The following LEPR variants were observed in gnomAD, a reference collection of about 807,000 sequenced individuals.
LEPR encodes OB receptor.
LEPR carries 56 observed loss-of-function variants against 114.7 expected under a neutral mutation model. The observed-to-expected ratio is 0.49, with a 90% confidence interval of 0.39 to 0.61. The LOEUF is 0.61. LEPR is among the 20% of genes least tolerant of loss of function. The pLI is 0.00. For synonymous variants in LEPR, 443 were observed against 461.4 expected, an observed-to-expected ratio of 0.96 and a Z score of 0.51; for missense variants, 1,202 against 1,352.9, an observed-to-expected ratio of 0.89 and a Z score of 1.75.
intron 19 of LEPR, chr1:65,635,041 C>A (rs913404920): frequency 4.0e-5 from 34 of 858,832 alleles, no homozygotes; most frequent in Non-Finnish European, 4.6e-5. Context: ...TTCCTTTATG[C>A]TTTTAATCAC....
chr1:65,601,971 T>C lies in LEPR; in HGVS notation c.1403+11T>C. Reference sequence around the variant, plus strand: ...ATTGAGGTATCATAGGTACGTATTATTTTTGCTGTTTTGTTTTTCTGTGGG... The same window carrying C: ...ATTGAGGTATCATAGGTACGTATTACTTTTGCTGTTTTGTTTTTCTGTGGG... On this transcript the variant is annotated intron_variant, in intron 10 of 19. Coordinates refer to ENST00000349533, the MANE Select transcript of LEPR (RefSeq NM_002303.6). The C allele has an allele frequency of 6.2e-7, 1 of 1,608,420 alleles. No homozygotes were observed. Among genetic ancestry groups the C allele is most frequent in the Non-Finnish European group, 8.5e-7 (1 of 1,174,924 alleles).
Position 65,431,803 on chromosome 1 carries a change from A to G in LEPR, c.-21+6425A>G, listed in dbSNP as rs756872309. ...TAATCCTTCTTTTCTTGTCTTTCAG[A>G]TCAAATGGGGAGCCTGCGGCCTTGT... On this transcript the variant is annotated intron_variant, in intron 2 of 19. Transcript: ENST00000349533. 3.7e-6 allele frequency: 6 copies of G among 1,612,274 alleles called. No individual in the cohort carries two copies. In the South Asian group the frequency reaches 6.6e-5, roughly 18 times the overall value.
intron 2 of LEPR, among the ~76,000 whole-genome samples, chr1:65,440,995 A>C (rs1176044610): frequency 6.6e-6 from 1 of 152,250 alleles, no homozygotes; most frequent in Non-Finnish European, 1.5e-5. Flanking sequence ...AACGAGAGTG[A>C]ATCACAGAGT....
chr1:65,630,161 T>G (rs1385389165), intron 19 of LEPR: 1 of 230,878 alleles, frequency 4.3e-6, no homozygotes, highest in Non-Finnish European at 8.6e-6. Flanking sequence ...TATTGTGATT[T>G]TTACTCCTCA....
intron 2 of LEPR, among the ~76,000 whole-genome samples, chr1:65,507,229 T>C (rs970881576): frequency 6.6e-6 from 1 of 151,926 alleles, no homozygotes; most frequent in Non-Finnish European, 1.5e-5. Flanking sequence ...TTTTGTACTT[T>C]TAGTAGAGAC....
intron 2 of LEPR, among the ~76,000 whole-genome samples, chr1:65,536,653 G>C (rs567721921): frequency 2.6e-5 from 4 of 151,864 alleles, no homozygotes; most frequent in African/African-American, 9.7e-5. Context: ...ATAAATCAAA[G>C]ATTTCGGTTA....
At chr1:65,494,978 T>C (rs1648077518) in intron 2 of LEPR, among the ~76,000 whole-genome samples, 1 of 151,912 alleles carries the variant, frequency 6.6e-6, no homozygotes, top group Non-Finnish European at 1.5e-5. Context: ...ATAAGGGAAA[T>C]GCTTTAGGAT....
chr1:65,574,361 A>C (rs182481413), intron 5 of LEPR, among the ~76,000 whole-genome samples: 4 of 152,328 alleles, frequency 2.6e-5, no homozygotes, highest in East Asian at 3.9e-4. Flanking sequence ...ACAAACCTGC[A>C]CGTTGTGCAC....
At chr1:65,602,106 A>G (rs951029526) in intron 10 of LEPR, 146 bp downstream of exon 10, 2 of 749,204 alleles carry the variant, frequency 2.7e-6, no homozygotes, top group Non-Finnish European at 4.7e-6. Context: ...TTTTTGAGGG[A>G]TTATATAAAT....
intron 2 of LEPR, among the ~76,000 whole-genome samples, chr1:65,425,755 G>A (rs1444280146): frequency 2.0e-5 from 3 of 152,186 alleles, no homozygotes; most frequent in African/African-American, 7.2e-5. Flanking sequence ...CGGATAAAGT[G>A]CACCTGAGTT....
At chr1:65,501,824 A>G (rs1440997745) in intron 2 of LEPR, among the ~76,000 whole-genome samples, 2 of 152,172 alleles carry the variant, frequency 1.3e-5, no homozygotes, top group African/African-American at 4.8e-5. Flanking sequence ...TTCGAGATAC[A>G]GTGTTCTGAT....
At chr1:65,629,365 G>C in intron 19 of LEPR, 1 of 443,864 alleles carries the variant, frequency 2.3e-6, no homozygotes, top group South Asian at 1.6e-5. Context: ...GTTGTAATTT[G>C]TCTGTGGTTT....
chr1:65,543,260 T>C (rs556672251), intron 2 of LEPR, among the ~76,000 whole-genome samples: 1 of 152,186 alleles, frequency 6.6e-6, no homozygotes, highest in African/African-American at 2.4e-5. Flanking sequence ...ATAAATGTCT[T>C]CTTCTGAGTA....
Position 65,565,552 on chromosome 1 carries a change from T to G in LEPR, c.-14T>G. On this transcript the variant is annotated 5_prime_UTR_variant, in exon 3 of 20. Coordinates refer to ENST00000349533, the MANE Select transcript of LEPR (RefSeq NM_002303.6). ...TTAGATTTACCTTTTCCAGGTGTAC[T>G]TCTCTGAAGTAAGATGATTTGTCAA... The G allele has an allele frequency of 1.2e-6, 2 of 1,613,898 alleles. No homozygotes were observed. The highest frequency in any genetic ancestry group is 2.2e-5 in the South Asian group (2 of 91,066).
In LEPR at chr1:65,620,029, A is replaced by G; in HGVS notation, c.2491+6A>G. On this transcript the variant is annotated splice_donor_region_variant and intron_variant, in intron 17 of 19. Coordinates refer to ENST00000349533, the MANE Select transcript of LEPR (RefSeq NM_002303.6). ...AATTAATAGTTTCACTCAAGGTAAA[A>G]ATTATAATTTTAGTTTCCTTTTACA... The G allele has an allele frequency of 6.2e-7, 1 of 1,602,286 alleles. No individual in the cohort carries two copies. Among genetic ancestry groups the G allele is most frequent in the Non-Finnish European group, 8.5e-7 (1 of 1,170,148 alleles).
At chr1:65,545,813 G>T (rs749865608) in intron 2 of LEPR, among the ~76,000 whole-genome samples, 20 of 151,504 alleles carry the variant, frequency 1.3e-4, no homozygotes, top group African/African-American at 2.4e-4. Flanking sequence ...TTAGTTTAAT[G>T]AGATCTCATT....
At chr1:65,473,022 C>T (rs920703525) in intron 2 of LEPR, among the ~76,000 whole-genome samples, 1 of 152,340 alleles carries the variant, frequency 6.6e-6, no homozygotes, top group South Asian at 2.1e-4. Context: ...CACAAGGCAG[C>T]CAATTATCTT....
intron 2 of LEPR, among the ~76,000 whole-genome samples, chr1:65,499,273 C>T (rs916113951): frequency 6.6e-6 from 1 of 151,996 alleles, no homozygotes. Flanking sequence ...AAGAATATAG[C>T]GAGTTTCCCA....
rs759620075 is a variant in LEPR at position 65,640,604 on chromosome 1, AG to A, written c.*3590del. ...TACTCTTTCTTAACCAGTTTAAAAC[AG>A]TAAAGCACACCTGCATCTAATCACA... is the stretch of plus-strand genomic sequence containing the variant. On this transcript the variant is annotated 3_prime_UTR_variant, in exon 20 of 20. Coordinates refer to ENST00000349533, the MANE Select transcript of LEPR (RefSeq NM_002303.6). The A allele has an allele frequency of 7.2e-5, 11 of 152,226 alleles. No homozygotes were observed. Among genetic ancestry groups the A allele is most frequent in the Non-Finnish European group, 1.5e-4 (10 of 68,046 alleles). 9.4% of individuals were successfully genotyped at this position (152,226 alleles called of 1,614,324 possible).
Sources: gnomAD v4.1 joint callset for allele counts (sites outside exome capture counted in the v4.1 genomes callset) on GRCh38, gnomAD v4.1.1 for gene constraint, MANE v1.5 for transcripts, NCBI Gene and HGNC (gene_info 2026-07-23, HGNC 2026-07-21) for gene names.